Variants in SMOC2 observed in about 807,000 individuals in gnomAD.
SMOC2 encodes the protein SPARC-related modular calcium-binding protein 2.
In SMOC2, 39 loss-of-function variants were observed where a neutral mutation model predicts 61.4. That is an observed-to-expected ratio of 0.64 (90% CI 0.49 to 0.83). The LOEUF (loss-of-function observed/expected upper bound fraction) is 0.83. Ranked by LOEUF, SMOC2 falls within the 40% of genes least tolerant of loss-of-function variation. The pLI, the probability that SMOC2 is intolerant of heterozygous loss-of-function variation, is 0.00. For synonymous variants in SMOC2, 247 were observed against 239.9 expected (o/e 1.03, Z -0.27); for missense variants, 556 against 592.9 (o/e 0.94, Z 0.65).
chr6:168,470,593 C>T (rs1336971159), intron 1 of SMOC2, among the ~76,000 whole-genome samples: 3 of 152,148 alleles, frequency 2.0e-5, no homozygotes, highest in African/African-American at 4.8e-5. Flanking sequence ...GGGAGGATCA[C>T]TTGAACCCAG....
At chr6:168,623,783 C>T (rs905239489) in intron 9 of SMOC2, among the ~76,000 whole-genome samples, 8 of 152,066 alleles carry the variant, frequency 5.3e-5, no homozygotes, top group East Asian at 3.9e-4. Flanking sequence ...GACCCCCTAT[C>T]CCCCCAAAAA....
intron 2 of SMOC2, among the ~76,000 whole-genome samples, chr6:168,514,308 C>T (rs139521518): frequency 6.6e-6 from 1 of 152,154 alleles, no homozygotes; most frequent in East Asian, 1.9e-4. Context: ...TCTCCTTCCA[C>T]TGCCGATACT....
chr6:168,622,043 G>A (rs1197230764), intron 9 of SMOC2, among the ~76,000 whole-genome samples: 1 of 151,940 alleles, frequency 6.6e-6, no homozygotes, highest in Non-Finnish European at 1.5e-5. Context: ...TCGGCTCACT[G>A]CAAGCTCCGC....
chr6:168,531,899 G>A (rs568074442), intron 4 of SMOC2, among the ~76,000 whole-genome samples: 2 of 152,290 alleles, frequency 1.3e-5, no homozygotes, highest in African/African-American at 4.8e-5. Context: ...CACTTGGCTG[G>A]AAGTCGGGCG....
chr6:168,457,552 C>T (rs533444611), intron 1 of SMOC2, among the ~76,000 whole-genome samples: 194 of 152,342 alleles, frequency 1.3e-3, no homozygotes, highest in Non-Finnish European at 2.4e-3. Flanking sequence ...CATATGTATG[C>T]GGCAGAGTAA....
chr6:168,603,237 T>A (rs969792001), intron 8 of SMOC2, among the ~76,000 whole-genome samples: 6 of 138,554 alleles, frequency 4.3e-5, no homozygotes, highest in African/African-American at 1.3e-4. Flanking sequence ...GTGAGTCAAT[T>A]AAACCTTTTT....
intron 1 of SMOC2, among the ~76,000 whole-genome samples, chr6:168,444,909 G>A (rs1164562042): frequency 1.3e-5 from 2 of 152,202 alleles, no homozygotes; most frequent in African/African-American, 2.4e-5. Flanking sequence ...TTTCCCAGAA[G>A]TTTTTGGTTA....
intron 1 of SMOC2, among the ~76,000 whole-genome samples, chr6:168,476,633 G>T (rs774570658): frequency 6.6e-6 from 1 of 151,782 alleles, no homozygotes; most frequent in Non-Finnish European, 1.5e-5. Context: ...AATATATATA[G>T]ATGTGTGTGT....
rs531192032 is a variant in SMOC2 at position 168,596,065 on chromosome 6, T to TC, written c.638-2753_638-2752insC. ...GCCACGTGAACACGGCAGTGATGAG[T>TC]TTCCTGGGTGCTGCTGGAGAGGCAT... On this transcript the variant is annotated intron_variant, in intron 7 of 12. Transcript: ENST00000356284. Among the ~76,000 whole-genome samples the TC allele has an allele frequency of 3.0e-3, 311 of 103,302 alleles. 7 individuals are homozygous for TC. Among genetic ancestry groups the TC allele is most frequent in the African/African-American group, 9.7e-3 (290 of 29,944 alleles). 67.8% of individuals were successfully genotyped at this position (103,302 alleles called of 152,430 possible). A position where few individuals can be genotyped will look rare whatever the true frequency, so the allele number is the denominator to read the frequency against.
At chr6:168,602,158 G>A (rs920101580) in intron 8 of SMOC2, among the ~76,000 whole-genome samples, 9 of 152,170 alleles carry the variant, frequency 5.9e-5, no homozygotes, top group African/African-American at 2.2e-4. Flanking sequence ...CACTCTTCCA[G>A]GGGGGTGTCG....
intron 9 of SMOC2, among the ~76,000 whole-genome samples, chr6:168,630,517 T>C (rs1317150962): frequency 2.0e-5 from 3 of 152,300 alleles, no homozygotes; most frequent in Admixed American, 6.5e-5. Context: ...CACGTGATAA[T>C]TGCATTAACT....
At chr6:168,523,986 G>A (rs893111938) in intron 2 of SMOC2, among the ~76,000 whole-genome samples, 7 of 152,054 alleles carry the variant, frequency 4.6e-5, no homozygotes, top group African/African-American at 1.7e-4. Flanking sequence ...AATTTTGAGG[G>A]TGTGTTTAAC....
At chr6:168,542,172 G>A (rs1027664018) in intron 4 of SMOC2, among the ~76,000 whole-genome samples, 2 of 152,192 alleles carry the variant, frequency 1.3e-5, no homozygotes, top group Non-Finnish European at 2.9e-5. Flanking sequence ...AGAAGCTTAA[G>A]CTCTTTAAGA....
At chr6:168,559,943 A>C (rs1784358580) in intron 7 of SMOC2, among the ~76,000 whole-genome samples, 1 of 152,232 alleles carries the variant, frequency 6.6e-6, no homozygotes, top group African/African-American at 2.4e-5. Flanking sequence ...GTTACAATCA[A>C]GGCAATGACT....
intron 8 of SMOC2, 130 bp downstream of exon 8, chr6:168,599,134 A>C: frequency 1.2e-6 from 1 of 820,378 alleles, no homozygotes; most frequent in Non-Finnish European, 1.9e-6. Context: ...ACTCACACAC[A>C]CTGATACCAC....
At chr6:168,486,031 T>G (rs1435041855) in intron 1 of SMOC2, among the ~76,000 whole-genome samples, 1 of 152,206 alleles carries the variant, frequency 6.6e-6, no homozygotes, top group East Asian at 1.9e-4. Flanking sequence ...CTGCTGCTTC[T>G]CTTTTGCATC....
chr6:168,650,447 A>C (rs1004264286), intron 9 of SMOC2, among the ~76,000 whole-genome samples: 3 of 152,182 alleles, frequency 2.0e-5, no homozygotes, highest in Non-Finnish European at 2.9e-5. Flanking sequence ...GTGAGATACT[A>C]ATGCCTGTGA....
chr6:168,644,640 C>T (rs1425601870), intron 9 of SMOC2, among the ~76,000 whole-genome samples: 1 of 140,120 alleles, frequency 7.1e-6, no homozygotes, highest in Non-Finnish European at 1.5e-5. Flanking sequence ...ATGTGAATGC[C>T]TTTCTTTTTT....
rs1279752458 is a variant in SMOC2 at position 168,578,923 on chromosome 6, C to T, written c.638-19895C>T. On this transcript the variant is annotated intron_variant, in intron 7 of 12. Transcript: ENST00000356284. ...ATGCAGCATTCCTGCCTCTGATGCA[C>T]GCATCTCTCCTGACCGGCATTCTGG... is the stretch of plus-strand genomic sequence containing the variant. Among the ~76,000 whole-genome samples the T allele has an allele frequency of 2.6e-5, 4 of 152,162 alleles. No homozygotes were observed. In the East Asian group the frequency reaches 5.8e-4, roughly 22 times the overall value.
Sources: gnomAD v4.1 joint callset for allele counts (sites outside exome capture counted in the v4.1 genomes callset) on GRCh38, gnomAD v4.1.1 for gene constraint, MANE v1.5 for transcripts, NCBI Gene and HGNC (gene_info 2026-07-23, HGNC 2026-07-21) for gene names.